The following CHCHD3 variants were observed in gnomAD, a reference collection of about 807,000 sequenced individuals.
The protein encoded by CHCHD3 is MICOS complex subunit MIC19.
Under a neutral mutation model 38.2 loss-of-function variants are expected in CHCHD3, and 20 were observed. That is an observed-to-expected ratio of 0.52 (90% CI 0.37 to 0.76). The LOEUF is 0.76. CHCHD3 is among the 30% of genes least tolerant of loss of function. CHCHD3 has a pLI of 0.00. For synonymous variants in CHCHD3, 82 were observed against 100.0 expected (o/e 0.82, Z 1.07); for missense variants, 245 against 279.2 (o/e 0.88, Z 0.87).
chr7:133,077,899 C>T (rs1815050009), intron 1 of CHCHD3, among the ~76,000 whole-genome samples: 1 of 252 alleles, frequency 4.0e-3, no homozygotes, highest in South Asian at 0.12. Flanking sequence ...AAACAAGACC[C>T]TACAATACCA....
intron 2 of CHCHD3, among the ~76,000 whole-genome samples, chr7:133,059,951 T>C (rs1814454005): frequency 6.6e-6 from 1 of 152,198 alleles, no homozygotes; most frequent in African/African-American, 2.4e-5. Flanking sequence ...AACATACACT[T>C]CTTTCAAAGG....
intron 5 of CHCHD3, among the ~76,000 whole-genome samples, chr7:132,842,711 G>A (rs1181678118): frequency 1.3e-5 from 2 of 152,130 alleles, no homozygotes; most frequent in African/African-American, 4.8e-5. Context: ...GTTTTCTCAT[G>A]GTTAAGAGTT....
intron 6 of CHCHD3, among the ~76,000 whole-genome samples, chr7:132,820,248 C>T (rs1238994486): frequency 6.6e-6 from 1 of 152,174 alleles, no homozygotes; most frequent in Non-Finnish European, 1.5e-5. Flanking sequence ...AGCCATCATC[C>T]TTGGCCCCTA....
At chr7:132,963,427 C>G (rs1279754492) in intron 4 of CHCHD3, among the ~76,000 whole-genome samples, 3 of 139,028 alleles carry the variant, frequency 2.2e-5, no homozygotes, top group East Asian at 2.1e-4. Flanking sequence ...GTCGGGAGAT[C>G]GAGACCATCC....
chr7:132,814,771 CAT>C (rs373663849), intron 6 of CHCHD3, among the ~76,000 whole-genome samples: 4 of 152,270 alleles, frequency 2.6e-5, no homozygotes, highest in South Asian at 4.1e-4. Flanking sequence ...CAAATCAGAT[CAT>C]ATGTCATATC....
intron 4 of CHCHD3, among the ~76,000 whole-genome samples, chr7:132,933,357 C>T (rs142799007): frequency 0.014 from 2,128 of 152,294 alleles, 19 homozygotes; most frequent in Non-Finnish European, 0.024. Context: ...GCTCAGCATG[C>T]CATACACATC....
chr7:132,864,098 C>T (rs1357152938), intron 5 of CHCHD3, among the ~76,000 whole-genome samples: 4 of 152,192 alleles, frequency 2.6e-5, no homozygotes, highest in Non-Finnish European at 5.9e-5. Flanking sequence ...TTGTTTGGTG[C>T]AAACGGCACA....
intron 4 of CHCHD3, among the ~76,000 whole-genome samples, chr7:132,925,647 G>A (rs770650093): frequency 4.5e-4 from 68 of 152,012 alleles, no homozygotes; most frequent in Non-Finnish European, 4.3e-4. Context: ...ATATCTGTAC[G>A]ATCTTCAGCA....
intron 4 of CHCHD3, among the ~76,000 whole-genome samples, chr7:132,935,728 T>C (rs926512534): frequency 3.3e-5 from 5 of 152,184 alleles, no homozygotes; most frequent in African/African-American, 1.2e-4. Context: ...GCTTCCTTTC[T>C]ATCATAGGGT....
chr7:132,869,361 T>C (rs768895887), intron 5 of CHCHD3, among the ~76,000 whole-genome samples: 3 of 152,190 alleles, frequency 2.0e-5, no homozygotes, highest in African/African-American at 4.8e-5. Flanking sequence ...AAGGATTGAA[T>C]ATGCAGAAGT....
chr7:133,065,859 T>C (rs889503264), intron 2 of CHCHD3, among the ~76,000 whole-genome samples: 1 of 152,206 alleles, frequency 6.6e-6, no homozygotes, highest in African/African-American at 2.4e-5. Flanking sequence ...AGCAAGATCA[T>C]TTCAAAATAG....
intron 4 of CHCHD3, among the ~76,000 whole-genome samples, chr7:132,944,579 A>T (rs1490456086): frequency 6.6e-6 from 1 of 151,990 alleles, no homozygotes; most frequent in African/African-American, 2.4e-5. Flanking sequence ...TTATTGCTGT[A>T]AAAAATATTG....
rs147467041 is a variant in CHCHD3, at chr7:132,904,129, C to T, written c.370-18384G>A. On this transcript the variant is annotated intron_variant, in intron 4 of 7. Coordinates refer to ENST00000262570, the MANE Select transcript of CHCHD3 (RefSeq NM_017812.4). ...AAAAAAAATCAGCTGGGCATGGTGG[C>T]ATGCGCCTGTAGTCCCAGTGACTCA... Among the ~76,000 whole-genome samples the T allele has an allele frequency of 8.7e-4, 133 of 152,118 alleles. 5 individuals are homozygous for T. The East Asian group carries it at 0.011, about 13-fold the overall frequency.
chr7:132,919,172 G>A (rs1260097341), intron 4 of CHCHD3, among the ~76,000 whole-genome samples: 8 of 136,988 alleles, frequency 5.8e-5, no homozygotes, highest in Non-Finnish European at 1.1e-4. Context: ...GCAGTGGCGC[G>A]ATCTCGGCTC....
At chr7:132,978,632 C>A (rs561490897) in intron 3 of CHCHD3, among the ~76,000 whole-genome samples, 1 of 152,194 alleles carries the variant, frequency 6.6e-6, no homozygotes, top group African/African-American at 2.4e-5. Context: ...ATATAAGAAA[C>A]AACTAACGAG....
At chr7:132,840,912 T>TCACA (rs141931313) in intron 5 of CHCHD3, among the ~76,000 whole-genome samples, 35 of 149,628 alleles carry the variant, frequency 2.3e-4, no homozygotes, top group African/African-American at 8.3e-4. Context: ...ACACACACAA[T>TCACA]CACACACACA....
intron 1 of CHCHD3, among the ~76,000 whole-genome samples, chr7:133,073,833 G>C (rs941963248): frequency 7.2e-5 from 11 of 152,100 alleles, no homozygotes; most frequent in Non-Finnish European, 1.6e-4. Flanking sequence ...TCATCATTTG[G>C]TGATGGCCTA....
chr7:133,070,611 G>A (rs774078087), intron 1 of CHCHD3, among the ~76,000 whole-genome samples: 5 of 151,792 alleles, frequency 3.3e-5, no homozygotes, highest in Admixed American at 6.6e-5. Context: ...CTCTAGTCCC[G>A]AAGGAAAGTG....
At chr7:133,017,103 G>A (rs1046285047) in intron 3 of CHCHD3, among the ~76,000 whole-genome samples, 2 of 152,202 alleles carry the variant, frequency 1.3e-5, no homozygotes, top group African/African-American at 4.8e-5. Context: ...TGGGTCTTTA[G>A]GAAGGAAAAA....
Sources: gnomAD v4.1 joint callset for allele counts (sites outside exome capture counted in the v4.1 genomes callset) on GRCh38, gnomAD v4.1.1 for gene constraint, MANE v1.5 for transcripts, NCBI Gene and HGNC (gene_info 2026-07-23, HGNC 2026-07-21) for gene names.